Variants in L3MBTL1 observed in about 807,000 individuals in gnomAD.
The protein encoded by L3MBTL1 is L3MBTL histone methyl-lysine binding protein 1, also known as lethal(3)malignant brain tumor-like protein 1.
A neutral mutation model predicts 105.3 loss-of-function variants in L3MBTL1; 75 were observed. The observed-to-expected ratio is 0.71, with a 90% CI of 0.59 to 0.86. The LOEUF is 0.86. L3MBTL1 is among the 40% of genes least tolerant of loss of function. L3MBTL1 has a pLI of 0.00. For synonymous variants in L3MBTL1, 452 were observed against 436.2 expected, an observed-to-expected ratio of 1.04 and a Z score of -0.45; for missense variants, 1,069 against 1,126.4, an observed-to-expected ratio of 0.95 and a Z score of 0.73.
chr20:43,534,662 G>A lies in L3MBTL1; in HGVS notation c.1711-166G>A, dbSNP rs76757156. The A allele has an allele frequency of 1.3e-4, 81 of 616,954 alleles. No individual in the cohort carries two copies. The African/African-American group carries it at 1.4e-3, about 11-fold the overall frequency. 38.2% of individuals were successfully genotyped at this position (616,954 alleles called of 1,614,324 possible). A position where few individuals can be genotyped will look rare whatever the true frequency, so the allele number is the denominator to read the frequency against. On this transcript the variant is annotated intron_variant, in intron 15 of 21. Coordinates refer to ENST00000418998, the MANE Select transcript of L3MBTL1 (RefSeq NM_001377303.1). Reference sequence around the variant, plus strand: ...AGATGCCAGTAACTTAATGAGTGATGCCCTTGGAAAATGTGGTGGCCAAGA... The same window carrying A: ...AGATGCCAGTAACTTAATGAGTGATACCCTTGGAAAATGTGGTGGCCAAGA...
intron 11 of L3MBTL1, 106 bp downstream of exon 11, chr20:43,530,995 C>T: frequency 1.1e-6 from 1 of 910,196 alleles, no homozygotes. Flanking sequence ...TGCTGGTTCT[C>T]TCAGCTTTGT....
intron 1 of L3MBTL1, among the ~76,000 whole-genome samples, chr20:43,508,674 T>G (rs1236460743): frequency 6.6e-6 from 1 of 152,242 alleles, no homozygotes; most frequent in Non-Finnish European, 1.5e-5. Context: ...ACAATGGTTG[T>G]TTTAGGTCGG....
chr20:43,512,301 A>G (rs1209282867), intron 1 of L3MBTL1, among the ~76,000 whole-genome samples: 1 of 152,162 alleles, frequency 6.6e-6, no homozygotes, highest in Non-Finnish European at 1.5e-5. Context: ...TTTTGGAGGT[A>G]GCACTGACAG....
intron 11 of L3MBTL1, 25 bp from the exon 12 acceptor site, chr20:43,532,748 G>A (rs368916415): frequency 1.5e-5 from 25 of 1,613,890 alleles, no homozygotes; most frequent in South Asian, 1.2e-4. Flanking sequence ...GGCCCTGGCC[G>A]TGGCAGCTCC....
rs34529936 is a variant in L3MBTL1, at chr20:43,518,851, CAAAAAAA to C, written c.862+2696_862+2702del. On this transcript the variant is annotated intron_variant, in intron 7 of 21. Transcript: ENST00000418998. ...TGAAACCCCATCTCTACTAAAAATA[CAAAAAAA>C]AAAAAAAAAAAAAAAAAAAAAGCCA... Among the ~76,000 whole-genome samples the C allele has an allele frequency of 3.3e-3, 109 of 33,262 alleles. No homozygotes were observed. In the East Asian group the frequency reaches 0.088, roughly 27 times the overall value. The allele number at this position is 33,262 out of a possible 152,430, so 21.8% of individuals were successfully genotyped here.
At chr20:43,519,849 G>A (rs900560250) in intron 7 of L3MBTL1, among the ~76,000 whole-genome samples, 1 of 152,148 alleles carries the variant, frequency 6.6e-6, no homozygotes, top group Non-Finnish European at 1.5e-5. Flanking sequence ...AGTTCGTTTT[G>A]ATGGTGCCCA....
rs916753416 is a variant in L3MBTL1 at position 43,513,483 on chromosome 20, A to AGGATGGAGGGGCATGCTG, written c.-2_16dup. On this transcript the variant is annotated 5_prime_UTR_variant, in exon 2 of 22. It adds an upstream start codon to the 5' untranslated region. Coordinates refer to ENST00000418998, the MANE Select transcript of L3MBTL1 (RefSeq NM_001377303.1). ...GCTATGTTTGGCTTGTAGGCCTGCC[A>AGGATGGAGGGGCATGCTG]GGATGGAGGGGCATGCTGGGATGGA... is the stretch of plus-strand genomic sequence containing the variant. 4 of 1,549,320 alleles carry AGGATGGAGGGGCATGCTG rather than the reference A, an allele frequency of 2.6e-6. No homozygotes were observed. The South Asian group carries it at 3.6e-5, about 14-fold the overall frequency.
intron 1 of L3MBTL1, among the ~76,000 whole-genome samples, chr20:43,511,564 C>T (rs2018136023): frequency 6.6e-6 from 1 of 151,972 alleles, no homozygotes; most frequent in South Asian, 2.1e-4. Context: ...GGCGGATCAC[C>T]TGAGGTCAGG....
chr20:43,529,068 AC>A (rs1489147699), intron 8 of L3MBTL1, 195 bp from the exon 9 acceptor site: 7 of 607,204 alleles, frequency 1.2e-5, no homozygotes, highest in South Asian at 2.0e-5. Flanking sequence ...GCCCTGACTC[AC>A]CCACATTTTT....
intron 18 of L3MBTL1, among the ~76,000 whole-genome samples, chr20:43,547,895 C>T (rs773710968): frequency 7.2e-5 from 11 of 152,164 alleles, no homozygotes; most frequent in Admixed American, 2.6e-4. Context: ...TTTCCTTCTC[C>T]GTCCCCATTG....
chr20:43,537,888 C>T (rs542749021), intron 19 of L3MBTL1, among the ~76,000 whole-genome samples: 16 of 152,282 alleles, frequency 1.1e-4, no homozygotes, highest in African/African-American at 3.9e-4. Context: ...CTTTTACAGG[C>T]TGAGAGATCT....
At chr20:43,530,523 T>A in intron 10 of L3MBTL1, 104 bp downstream of exon 10, 1 of 1,313,552 alleles carries the variant, frequency 7.6e-7, no homozygotes, top group Non-Finnish European at 1.0e-6. Context: ...TCTGACCCTG[T>A]ACCCTGTTCC....
intron 7 of L3MBTL1, among the ~76,000 whole-genome samples, chr20:43,519,961 A>G (rs1308746811): frequency 6.6e-6 from 1 of 152,186 alleles, no homozygotes; most frequent in Non-Finnish European, 1.5e-5. Flanking sequence ...CATACAATTC[A>G]TCCATTTGAA....
chr20:43,540,300 A>G lies in L3MBTL1; in HGVS notation c.2323A>G (p.Ile775Val), dbSNP rs769651967. 7.4e-6 allele frequency: 12 copies of G among 1,613,526 alleles called. No homozygotes were observed. Among genetic ancestry groups the G allele is most frequent in the Admixed American group, 1.7e-5 (1 of 60,016 alleles). The change falls in exon 20 of 22, where the codon ATC (isoleucine) becomes GTC (valine). Residue 775 changes from isoleucine (I) to valine (V), a missense_variant. Transcript: ENST00000418998. ...ISASTVAKWT[I>V]DEVFGFVQTL... ...AGCCTCGACAGTCGCCAAGTGGACCATCGATGAGGTGAGGAGCGAGGGCCC... is the reference window on the plus strand; with the variant it reads ...AGCCTCGACAGTCGCCAAGTGGACCGTCGATGAGGTGAGGAGCGAGGGCCC...
rs558184903 is a variant in L3MBTL1, at chr20:43,517,651, A to G, written c.862+1474A>G. On this transcript the variant is annotated intron_variant, in intron 7 of 21. Coordinates refer to ENST00000418998, the MANE Select transcript of L3MBTL1 (RefSeq NM_001377303.1). ...ATAAGTTCTCAATCAGTGTTTGTTC[A>G]GTGGATGAATGGATTGAATGGATGA... Among the ~76,000 whole-genome samples the G allele has an allele frequency of 3.9e-5, 6 of 152,318 alleles. No homozygotes were observed. The East Asian group carries it at 7.7e-4, about 20-fold the overall frequency.
exon 19 of L3MBTL1, chr20:43,549,362 T>TG (rs1174298047): frequency 6.6e-6 from 1 of 152,278 alleles, no homozygotes; most frequent in Non-Finnish European, 1.5e-5. Context: ...CATTAGCTCT[T>TG]GCAGCGTCTT....
At chr20:43,525,179 GA>G (rs2018963781) in intron 7 of L3MBTL1, among the ~76,000 whole-genome samples, 1 of 151,956 alleles carries the variant, frequency 6.6e-6, no homozygotes. Flanking sequence ...TGGATGAATG[GA>G]TGGTGGCGCC....
Position 43,515,048 on chromosome 20 carries a change from AC to A in L3MBTL1, c.548del (p.Pro183GlnfsTer39). The A allele has an allele frequency of 2.5e-6, 4 of 1,613,882 alleles. No individual in the cohort carries two copies. In the South Asian group the frequency reaches 3.3e-5, roughly 13 times the overall value. ...PQNPPEDPNQ[D>X]PPEDDSTCQC... is the part of the protein sequence containing the mutation. ...AATCCTCCAGAAGATCCCAATCAGG[AC>A]CCCCCAGAGGATGATAGCACCTGTC... On this transcript the variant is annotated frameshift_variant, in exon 5 of 22. Coordinates refer to ENST00000418998, the MANE Select transcript of L3MBTL1 (RefSeq NM_001377303.1). LOFTEE classifies it high-confidence loss of function.
intron 1 of L3MBTL1, among the ~76,000 whole-genome samples, chr20:43,508,142 C>A (rs1458818256): frequency 6.6e-6 from 1 of 150,932 alleles, no homozygotes; most frequent in Non-Finnish European, 1.5e-5. Context: ...ACTTTCCTAC[C>A]ATTAATTTTG....
Sources: allele counts gnomAD v4.1 joint callset (sites outside exome capture counted in the v4.1 genomes callset), GRCh38; gene constraint gnomAD v4.1.1; transcripts MANE v1.5; gene names NCBI Gene and HGNC (gene_info 2026-07-23, HGNC 2026-07-21).